The following NME8 variants were observed in gnomAD, a reference collection of about 807,000 sequenced individuals.
NME8 encodes NME/NM23 family member 8.
A neutral mutation model predicts 82.3 loss-of-function variants in NME8; 72 were observed. That is an observed-to-expected ratio of 0.87 (90% CI 0.72 to 1.06). The LOEUF is 1.06. Among genes scored for constraint, NME8 ranks in the 50% least tolerant of loss-of-function variants. The pLI, the probability that NME8 is intolerant of heterozygous loss-of-function variation, is 0.00. For synonymous variants in NME8, 267 were observed against 228.5 expected, an observed-to-expected ratio of 1.17 and a Z score of -1.52; for missense variants, 712 against 685.4, an observed-to-expected ratio of 1.04 and a Z score of -0.43.
rs764326102 is a variant in NME8, at chr7:37,897,068, C to G, written c.1743C>G (p.Leu581=). Residue 581 remains leucine, a synonymous_variant, in exon 17 of 18, where the codon CTC becomes CTG. Coordinates refer to ENST00000199447, the MANE Select transcript of NME8 (RefSeq NM_016616.5). ...AYEAKEVVNR[L]FEDPEEN is the part of the protein sequence containing the mutation. Reference sequence around the variant, plus strand: ...AAGCAAAAGAGGTTGTTAATAGACTCTTTGAGGATCCTGAGGAAAACTAAA... The same window carrying G: ...AAGCAAAAGAGGTTGTTAATAGACTGTTTGAGGATCCTGAGGAAAACTAAA... 11 of 1,613,036 alleles carry G rather than the reference C, an allele frequency of 6.8e-6. No individual in the cohort carries two copies. The highest frequency in any genetic ancestry group is 9.3e-6 in the Non-Finnish European group (11 of 1,179,116).
At chr7:37,889,883 G>T (rs533984885) in intron 15 of NME8, among the ~76,000 whole-genome samples, 1 of 151,874 alleles carries the variant, frequency 6.6e-6, no homozygotes, top group South Asian at 2.1e-4. Flanking sequence ...TGAATTTGGG[G>T]GATCTGTCAG....
At chr7:37,893,029 A>G (rs1785155346) in intron 15 of NME8, among the ~76,000 whole-genome samples, 1 of 151,936 alleles carries the variant, frequency 6.6e-6, no homozygotes, top group Non-Finnish European at 1.5e-5. Flanking sequence ...GGGTTAGCTC[A>G]TTTCATTTCT....
At chr7:37,863,186 T>G (rs1398758745) in intron 7 of NME8, among the ~76,000 whole-genome samples, 2 of 152,312 alleles carry the variant, frequency 1.3e-5, no homozygotes, top group East Asian at 3.9e-4. Context: ...ACATATGCAT[T>G]ATTCCTGCCC....
At chr7:37,881,960 C>T (rs1221759800) in intron 12 of NME8, among the ~76,000 whole-genome samples, 1 of 152,152 alleles carries the variant, frequency 6.6e-6, no homozygotes, top group Non-Finnish European at 1.5e-5. Flanking sequence ...AGTTGTATTG[C>T]AGAGAAAAAG....
At position 37,852,109 on chromosome 7, in the gene NME8, C is replaced by CT. The variant is rs36112844; in HGVS notation, c.198+1385dup. Among the ~76,000 whole-genome samples, 850 of 146,094 alleles carry CT rather than the reference C, an allele frequency of 5.8e-3. 9 individuals are homozygous for CT. The highest frequency in any genetic ancestry group is 0.019 in the African/African-American group (754 of 39,930). ...CCTGTTGTCCTGGTGAAGGAATTGACTTTTTTTTTTTGTCTTCTGAAATAA... is the reference window on the plus strand; with the variant it reads ...CCTGTTGTCCTGGTGAAGGAATTGACTTTTTTTTTTTTGTCTTCTGAAATAA... On this transcript the variant is annotated intron_variant, in intron 5 of 17. Transcript: ENST00000199447.
chr7:37,897,202 A>G, intron 17 of NME8, 95 bp downstream of exon 17: 2 of 784,214 alleles, frequency 2.6e-6, no homozygotes, highest in Non-Finnish European at 2.1e-6. Context: ...AACTTTTCCT[A>G]AATTCCTGAA....
intron 16 of NME8, among the ~76,000 whole-genome samples, chr7:37,895,339 G>C (rs62444778): frequency 2.6e-5 from 4 of 152,084 alleles, no homozygotes. Context: ...TCCAGGCCTT[G>C]TGATGAGCTG....
chr7:37,868,115 G>A (rs1784717849), intron 11 of NME8, among the ~76,000 whole-genome samples: 1 of 152,206 alleles, frequency 6.6e-6, no homozygotes, highest in Non-Finnish European at 1.5e-5. Context: ...GTGGGTTGTA[G>A]GGTAGTAAGA....
chr7:37,865,905 G>A (rs1228386845), intron 10 of NME8, among the ~76,000 whole-genome samples: 1 of 152,052 alleles, frequency 6.6e-6, no homozygotes, highest in Non-Finnish European at 1.5e-5. Context: ...TCAGTCCTCT[G>A]GAAGTGAATA....
At chr7:37,861,397 C>A (rs537038516) in intron 6 of NME8, among the ~76,000 whole-genome samples, 1 of 152,116 alleles carries the variant, frequency 6.6e-6, no homozygotes, top group African/African-American at 2.4e-5. Flanking sequence ...TATTTTAAAC[C>A]AAGAATCACT....
intron 15 of NME8, among the ~76,000 whole-genome samples, chr7:37,892,362 C>T (rs1400832381): frequency 6.6e-6 from 1 of 151,354 alleles, no homozygotes; most frequent in Non-Finnish European, 1.5e-5. Context: ...GGGATTTCAC[C>T]AGCTGGAACT....
intron 12 of NME8, among the ~76,000 whole-genome samples, chr7:37,880,085 TTG>T (rs138386221): frequency 0.44 from 66,293 of 150,632 alleles, 14,744 homozygotes; most frequent in East Asian, 0.63. Context: ...AAGGTTTTTT[TTG>T]TTTGTTTATT....
chr7:37,891,545 T>G (rs958133214), intron 15 of NME8, among the ~76,000 whole-genome samples: 1 of 152,002 alleles, frequency 6.6e-6, no homozygotes, highest in Non-Finnish European at 1.5e-5. Flanking sequence ...TTTACTGTTG[T>G]TCTTCTCTGT....
At position 37,876,893 on chromosome 7, in the gene NME8, G is replaced by A. The variant is rs2131960209; in HGVS notation, c.880G>A (p.Ala294Thr). 1 of 1,612,706 alleles carries A rather than the reference G, an allele frequency of 6.2e-7. No homozygotes were observed. The highest frequency in any genetic ancestry group is 8.5e-7 in the Non-Finnish European group (1 of 1,179,058). ...GCTCTGTGACATTGAAGAGGATGCA[G>A]CTAATGTTGCTAAGTTCATGGATGC... ...AQLCDIEEDA[A>T]NVAKFMDAFF... Residue 294 changes from alanine to threonine, a missense_variant, in exon 12 of 18, where the codon GCT (alanine) becomes ACT (threonine). Coordinates refer to ENST00000199447, the MANE Select transcript of NME8 (RefSeq NM_016616.5).
At chr7:37,895,356 C>G (rs1785208685) in intron 16 of NME8, among the ~76,000 whole-genome samples, 1 of 152,106 alleles carries the variant, frequency 6.6e-6, no homozygotes, top group Non-Finnish European at 1.5e-5. Flanking sequence ...GCTGTACACA[C>G]TTTATTTCAT....
Position 37,897,089 on chromosome 7 carries a change from CT to C in NME8, c.1765del (p.Ter589LysfsTer11). 6.3e-7 allele frequency: 1 copy of C among 1,597,482 alleles called. No homozygotes were observed. ...GACTCTTTGAGGATCCTGAGGAAAA[CT>C]AAAGTATATACTGTGAAGTACGTAC... ...NRLFEDPEEN[*>X] On this transcript the variant is annotated frameshift_variant and stop_lost, in exon 17 of 18. Transcript: ENST00000199447. LOFTEE classifies it low-confidence loss of function (END_TRUNC).
Position 37,894,505 on chromosome 7 carries a change from T to G in NME8, c.1439T>G (p.Leu480Arg), listed in dbSNP as rs1399546959. Residue 480 changes from leucine to arginine, a missense_variant, in exon 16 of 18, where the codon CTG becomes CGG. By Grantham distance (102) the Leu-to-Arg change is moderately radical. Transcript: ENST00000199447. ...ATAGTTAAGGAGGCTGGATTTGATCTGACACAGGTGAAGAAAATGTTCCTA... is the reference window on the plus strand; with the variant it reads ...ATAGTTAAGGAGGCTGGATTTGATCGGACACAGGTGAAGAAAATGTTCCTA... Reference protein sequence around the residue: ...LKIVKEAGFDLTQVKKMFLTP... With the variant: ...LKIVKEAGFDRTQVKKMFLTP... 6.2e-7 allele frequency: 1 copy of G among 1,613,146 alleles called. No individual in the cohort carries two copies. Among genetic ancestry groups the G allele is most frequent in the Admixed American group, 1.7e-5 (1 of 59,932 alleles).
intron 15 of NME8, among the ~76,000 whole-genome samples, chr7:37,890,064 C>T (rs1785105101): frequency 6.6e-6 from 1 of 151,900 alleles, no homozygotes; most frequent in South Asian, 2.1e-4. Flanking sequence ...CATTTAATGC[C>T]TTGGGGCCTG....
At chr7:37,897,269 C>T (rs1037887941) in intron 17 of NME8, among the ~76,000 whole-genome samples, 162 bp downstream of exon 17, 4 of 152,126 alleles carry the variant, frequency 2.6e-5, no homozygotes, top group Admixed American at 1.3e-4. Context: ...CACACAGCCT[C>T]AAAGCTGAAC....
Sources: gnomAD v4.1 joint callset for allele counts (sites outside exome capture counted in the v4.1 genomes callset) on GRCh38, gnomAD v4.1.1 for gene constraint, MANE v1.5 for transcripts, NCBI Gene and HGNC (gene_info 2026-07-23, HGNC 2026-07-21) for gene names.